Variants in PCDH15 observed in about 807,000 individuals in gnomAD.
PCDH15 encodes protocadherin related 15.
Under a neutral mutation model 178.5 loss-of-function variants are expected in PCDH15, and 129 were observed. That is an observed-to-expected ratio of 0.72 (90% CI 0.63 to 0.84). The LOEUF is 0.84. Among genes scored for constraint, PCDH15 ranks in the 40% least tolerant of loss-of-function variants. PCDH15 has a pLI of 0.00. For missense variants in PCDH15, 2,230 were observed against 2,099.9 expected (o/e 1.06, Z -1.21); for synonymous variants, 800 against 732.0 (o/e 1.09, Z -1.50).
chr10:54,888,513 T>C (rs1954402391), intron 3 of PCDH15, among the ~76,000 whole-genome samples: 2 of 152,080 alleles, frequency 1.3e-5, no homozygotes, highest in South Asian at 4.1e-4. Flanking sequence ...CATTCATGTG[T>C]AAATCTTTGC....
At chr10:53,868,326 CATACAAA>C (rs1432913418) in intron 26 of PCDH15, among the ~76,000 whole-genome samples, 1 of 151,964 alleles carries the variant, frequency 6.6e-6, no homozygotes, top group East Asian at 1.9e-4. Context: ...TGCTAAGAAT[CATACAAA>C]ATACAAAATA....
At chr10:54,352,922 C>G (rs75594255) in intron 5 of PCDH15, among the ~76,000 whole-genome samples, 2,716 of 152,172 alleles carry the variant, frequency 0.018, 88 homozygotes, top group African/African-American at 0.062. Flanking sequence ...TAGATTCATT[C>G]TTGCAATTAA....
chr10:54,156,198 C>G (rs1432093651), intron 13 of PCDH15, among the ~76,000 whole-genome samples: 1 of 151,992 alleles, frequency 6.6e-6, no homozygotes, highest in East Asian at 1.9e-4. Flanking sequence ...TTTTATAGTT[C>G]TATTCAGGAA....
chr10:54,882,931 T>C (rs2131807870), intron 3 of PCDH15, among the ~76,000 whole-genome samples: 1 of 152,152 alleles, frequency 6.6e-6, no homozygotes, highest in South Asian at 2.1e-4. Context: ...GTTGAGAGCA[T>C]TGCTGTCCAC....
chr10:54,160,165 A>G (rs1590862943), intron 13 of PCDH15, among the ~76,000 whole-genome samples: 1 of 152,002 alleles, frequency 6.6e-6, no homozygotes, highest in East Asian at 1.9e-4. Flanking sequence ...ATGCTGGACA[A>G]AAGGATGATT....
intron 27 of PCDH15, among the ~76,000 whole-genome samples, chr10:53,858,312 T>C (rs1171269003): frequency 6.6e-6 from 1 of 152,110 alleles, no homozygotes; most frequent in Non-Finnish European, 1.5e-5. Flanking sequence ...TCTTTACATA[T>C]AGAGACCCCA....
chr10:54,975,995 C>G (rs988828906), intron 2 of PCDH15, among the ~76,000 whole-genome samples: 7 of 151,960 alleles, frequency 4.6e-5, no homozygotes, highest in African/African-American at 7.2e-5. Context: ...TCTGTTTACC[C>G]TGAACCATTT....
intron 1 of PCDH15, among the ~76,000 whole-genome samples, chr10:55,228,436 G>T (rs779049256): frequency 6.6e-6 from 1 of 151,888 alleles, no homozygotes; most frequent in South Asian, 2.1e-4. Context: ...GCTTCGTAAG[G>T]ACTGCTTGAC....
intron 2 of PCDH15, among the ~76,000 whole-genome samples, chr10:55,605,397 G>A (rs1417862490): frequency 6.6e-5 from 10 of 150,870 alleles, no homozygotes; most frequent in Admixed American, 6.6e-4. Context: ...CTCATTTTAT[G>A]AGGCCAGCAT....
intron 23 of PCDH15, among the ~76,000 whole-genome samples, chr10:53,945,879 A>ATC (rs1286615539): frequency 1.1e-4 from 11 of 98,878 alleles, no homozygotes; most frequent in African/African-American, 4.3e-4. Context: ...ATATATATAT[A>ATC]TATCACATTT....
At chr10:54,101,692 C>T (rs555368632) in intron 15 of PCDH15, among the ~76,000 whole-genome samples, 13 of 152,234 alleles carry the variant, frequency 8.5e-5, no homozygotes, top group Non-Finnish European at 1.6e-4. Context: ...CTCAGCTAGG[C>T]GCAGTGGCTC....
chr10:55,256,488 T>C (rs1367524415), intron 1 of PCDH15, among the ~76,000 whole-genome samples: 1 of 152,032 alleles, frequency 6.6e-6, no homozygotes, highest in Admixed American at 6.6e-5. Context: ...AAGAAAGGGG[T>C]GACAGACAGC....
At position 55,009,191 on chromosome 10, in the gene PCDH15, G is replaced by A. The variant is rs542843963; in HGVS notation, c.-79-111691C>T. Among the ~76,000 whole-genome samples, 3 of 152,060 alleles carry A rather than the reference G, an allele frequency of 2.0e-5. No homozygotes were observed. The South Asian group carries it at 6.2e-4, about 32-fold the overall frequency. On this transcript the variant is annotated intron_variant, in intron 2 of 5. Transcript: ENST00000458638. ...TGTAGCATCAACCTTAACAAAAACAGTCTTGTGTTGTGAAGACAAGAATTA... is the reference window on the plus strand; with the variant it reads ...TGTAGCATCAACCTTAACAAAAACAATCTTGTGTTGTGAAGACAAGAATTA...
chr10:54,752,295 T>G (rs1206245222), intron 1 of PCDH15, among the ~76,000 whole-genome samples: 1 of 151,202 alleles, frequency 6.6e-6, no homozygotes, highest in African/African-American at 2.4e-5. Flanking sequence ...GCTAACATGG[T>G]GAAACCCCGT....
chr10:54,480,086 AG>A (rs537856184), intron 3 of PCDH15, among the ~76,000 whole-genome samples: 176 of 152,268 alleles, frequency 1.2e-3, no homozygotes, highest in African/African-American at 4.1e-3. Context: ...CCATTTGTAA[AG>A]TACAGTGGTT....
intron 2 of PCDH15, among the ~76,000 whole-genome samples, chr10:55,527,616 A>G (rs895107947): frequency 1.9e-4 from 29 of 151,998 alleles, no homozygotes; most frequent in Admixed American, 6.6e-4. Context: ...ATATGAAAGT[A>G]TGAATATACA....
At chr10:55,257,915 T>C (rs1290202541) in intron 1 of PCDH15, among the ~76,000 whole-genome samples, 1 of 152,010 alleles carries the variant, frequency 6.6e-6, no homozygotes, top group Non-Finnish European at 1.5e-5. Flanking sequence ...CCAAGACACA[T>C]AATTGTCAGA....
At chr10:54,867,086 G>A (rs1295502020) in intron 3 of PCDH15, among the ~76,000 whole-genome samples, 1 of 152,110 alleles carries the variant, frequency 6.6e-6, no homozygotes, top group Non-Finnish European at 1.5e-5. Context: ...AATAACAACT[G>A]CGGCTACCCA....
intron 9 of PCDH15, among the ~76,000 whole-genome samples, chr10:54,224,150 G>T (rs2053186076): frequency 6.6e-6 from 1 of 152,134 alleles, no homozygotes; most frequent in African/African-American, 2.4e-5. Flanking sequence ...CCATGAAGAT[G>T]TGTGGTAATT....
Sources: allele counts gnomAD v4.1 joint callset (sites outside exome capture counted in the v4.1 genomes callset), GRCh38; gene constraint gnomAD v4.1.1; transcripts MANE v1.5; gene names NCBI Gene and HGNC (gene_info 2026-07-23, HGNC 2026-07-21).